PRKN: variants seen among roughly 807,000 people sequenced by gnomAD.
PRKN encodes the protein E3 ubiquitin-protein ligase parkin.
Under a neutral mutation model 59.5 loss-of-function variants are expected in PRKN, and 56 were observed. The observed-to-expected ratio is 0.94, with a 90% CI of 0.76 to 1.18. The LOEUF is 1.18. PRKN is among the 50% of genes most tolerant of loss of function. PRKN has a pLI of 0.00. For synonymous variants in PRKN, 250 were observed against 222.1 expected, an observed-to-expected ratio of 1.13 and a Z score of -1.12; for missense variants, 657 against 596.4, an observed-to-expected ratio of 1.10 and a Z score of -1.06.
At chr6:162,135,953 G>A (rs1781547038) in intron 4 of PRKN, among the ~76,000 whole-genome samples, 1 of 151,978 alleles carries the variant, frequency 6.6e-6, no homozygotes, top group African/African-American at 2.4e-5. Context: ...AAAAGCCCAA[G>A]TCAGATGGAT....
At position 161,401,114 on chromosome 6, in the gene PRKN, A is replaced by C. The variant is rs184958297; in HGVS notation, c.1084-14237T>G. 1.5e-3 allele frequency among the ~76,000 whole-genome samples: 236 copies of C among 152,260 alleles called. 2 individuals are homozygous for C. Among genetic ancestry groups the C allele is most frequent in the African/African-American group, 5.4e-3 (226 of 41,562 alleles). ...GTAAGTTTTGGCCTGGTGTTATTGC[A>C]GTCTCTTAATTTAGCCAACAAAGAA... is the stretch of plus-strand genomic sequence containing the variant. On this transcript the variant is annotated intron_variant, in intron 9 of 11. Coordinates refer to ENST00000366898, the MANE Select transcript of PRKN (RefSeq NM_004562.3). The surrounding 1 kb of genome is among the most constrained non-coding windows in gnomAD (Gnocchi z 4.4).
intron 7 of PRKN, among the ~76,000 whole-genome samples, chr6:161,734,857 C>A (rs1787899293): frequency 6.6e-6 from 1 of 152,074 alleles, no homozygotes; most frequent in Non-Finnish European, 1.5e-5. Context: ...TTGCCTATAT[C>A]ACAATGATGA....
chr6:162,679,105 TATTTATGA>T (rs1342448362), intron 1 of PRKN, among the ~76,000 whole-genome samples: 11 of 150,750 alleles, frequency 7.3e-5, no homozygotes, highest in African/African-American at 2.4e-4. Flanking sequence ...TTTATTTATT[TATTTATGA>T]ATGAATGAGA....
At chr6:161,960,521 A>G (rs1780342416) in intron 6 of PRKN, among the ~76,000 whole-genome samples, 1 of 152,238 alleles carries the variant, frequency 6.6e-6, no homozygotes, top group African/African-American at 2.4e-5. Flanking sequence ...ACACATGTCT[A>G]TAAATAACTC....
At chr6:162,327,559 A>T in intron 2 of PRKN, among the ~76,000 whole-genome samples, 1 of 146,292 alleles carries the variant, frequency 6.8e-6, no homozygotes, top group Non-Finnish European at 1.5e-5. Context: ...GGTTTTGAAA[A>T]TGTTAGGTCC....
At chr6:162,608,666 T>G (rs1406395348) in intron 1 of PRKN, among the ~76,000 whole-genome samples, 1 of 152,166 alleles carries the variant, frequency 6.6e-6, no homozygotes, top group Non-Finnish European at 1.5e-5. Flanking sequence ...TGGATGAGAA[T>G]GTAAACATTC....
chr6:161,944,256 G>T (rs867945156), intron 6 of PRKN, among the ~76,000 whole-genome samples: 8 of 152,282 alleles, frequency 5.3e-5, no homozygotes, highest in Middle Eastern at 3.4e-3. Context: ...TCAAGATACT[G>T]TCCCTGAAAC....
At position 162,511,008 on chromosome 6, in the gene PRKN, A is replaced by G. The variant is rs773950546; in HGVS notation, c.8-67535T>C. Reference sequence around the variant, plus strand: ...ACAATAAAATTTTCCTACATTTGGGAAGAAAAGTAGGTTTCATAAAGGAAA... The same window carrying G: ...ACAATAAAATTTTCCTACATTTGGGGAGAAAAGTAGGTTTCATAAAGGAAA... On this transcript the variant is annotated intron_variant, in intron 1 of 11. Coordinates refer to ENST00000366898, the MANE Select transcript of PRKN (RefSeq NM_004562.3). 2.0e-5 allele frequency among the ~76,000 whole-genome samples: 3 copies of G among 152,254 alleles called. No homozygotes were observed. In the South Asian group the frequency reaches 6.2e-4, roughly 32 times the overall value.
chr6:162,325,898 T>C (rs1783249040), intron 2 of PRKN, among the ~76,000 whole-genome samples: 1 of 152,164 alleles, frequency 6.6e-6, no homozygotes, highest in African/African-American at 2.4e-5. Flanking sequence ...GAAAACCTTA[T>C]TCTTAGAGAC....
chr6:162,177,647 GA>G (rs528789561), intron 4 of PRKN, among the ~76,000 whole-genome samples: 30 of 147,138 alleles, frequency 2.0e-4, no homozygotes, highest in African/African-American at 2.2e-4. Flanking sequence ...ATAATTAAGC[GA>G]AAAAAAAAAT....
At chr6:161,957,713 G>A (rs780881985) in intron 6 of PRKN, among the ~76,000 whole-genome samples, 4 of 152,076 alleles carry the variant, frequency 2.6e-5, no homozygotes, top group Admixed American at 6.6e-5. Context: ...GTGAGTCACC[G>A]CGCCCAGCCC....
At chr6:161,920,200 A>G (rs1778726487) in intron 6 of PRKN, among the ~76,000 whole-genome samples, 2 of 152,180 alleles carry the variant, frequency 1.3e-5, no homozygotes, top group Non-Finnish European at 1.5e-5. Context: ...CCTGGCCAAC[A>G]TGGTGAAACC....
chr6:162,084,874 A>T (rs1392336047), intron 4 of PRKN, among the ~76,000 whole-genome samples: 1 of 151,954 alleles, frequency 6.6e-6, no homozygotes, highest in Non-Finnish European at 1.5e-5. Context: ...ATTAGGACAA[A>T]ATATTCCTGT....
chr6:161,586,516 T>A (rs896850987), intron 7 of PRKN, among the ~76,000 whole-genome samples: 2 of 152,228 alleles, frequency 1.3e-5, no homozygotes, highest in African/African-American at 2.4e-5. Context: ...CTAAATGAGA[T>A]TTTGTGAAAC....
At position 161,885,506 on chromosome 6, in the gene PRKN, T is replaced by C. The variant is rs367987993; in HGVS notation, c.734+87796A>G. Among the ~76,000 whole-genome samples, 78 of 151,798 alleles carry C rather than the reference T, an allele frequency of 5.1e-4. No individual in the cohort carries two copies. The East Asian group carries it at 0.011, about 22-fold the overall frequency. On this transcript the variant is annotated intron_variant, in intron 6 of 11. Transcript: ENST00000366898. ...AGTGAAACCCCGTCTCTACTAAAAA[T>C]ACAAAAAAATTAGCCAGGCGTGGTG...
chr6:162,331,369 C>T (rs559333241), intron 2 of PRKN, among the ~76,000 whole-genome samples: 2 of 152,232 alleles, frequency 1.3e-5, no homozygotes, highest in South Asian at 4.1e-4. Context: ...CCTTTCAGGT[C>T]TCAGAAAAGT....
rs1022612318 is a variant in PRKN, at chr6:161,410,774, C to T, written c.1084-23897G>A. The stretch of plus-strand genomic sequence containing the variant: ...ATCATTGGTGCTCATGACAACGGCA[C>T]GCCAAGGGGCTTGATGGCAGCAGCC... On this transcript the variant is annotated intron_variant, in intron 9 of 11. Transcript: ENST00000366898. This position sits in a 1 kb window ranked among gnomAD's most constrained non-coding sequence, Gnocchi z 5.3. Among the ~76,000 whole-genome samples, 5 of 152,078 alleles carry T rather than the reference C, an allele frequency of 3.3e-5. No individual in the cohort carries two copies. In the South Asian group the frequency reaches 6.2e-4, roughly 19 times the overall value.
chr6:162,471,597 C>G (rs142064810), intron 1 of PRKN, among the ~76,000 whole-genome samples: 1 of 152,266 alleles, frequency 6.6e-6, no homozygotes, highest in Admixed American at 6.5e-5. Flanking sequence ...TTGCCATTTA[C>G]TAAACTATTA....
chr6:162,173,593 CAG>C (rs2128320451), intron 4 of PRKN, among the ~76,000 whole-genome samples: 1 of 151,166 alleles, frequency 6.6e-6, no homozygotes, highest in South Asian at 2.1e-4. Flanking sequence ...GTCATGGCCT[CAG>C]GGAGAATCTG....
Sources: allele counts gnomAD v4.1 joint callset (sites outside exome capture counted in the v4.1 genomes callset), GRCh38; gene constraint gnomAD v4.1.1; non-coding constraint Gnocchi (gnomAD v3.1); transcripts MANE v1.5; gene names NCBI Gene and HGNC (gene_info 2026-07-23, HGNC 2026-07-21).